Variants in STRIP2 observed in about 807,000 individuals in gnomAD.
The protein encoded by STRIP2 is striatin interacting protein 2.
In STRIP2, 84 loss-of-function variants were observed where a neutral mutation model predicts 107.1. The ratio of observed to expected loss-of-function variants is 0.78; its 90% CI spans 0.66 to 0.94. The LOEUF (loss-of-function observed/expected upper bound fraction) is 0.94. Ranked by LOEUF, STRIP2 falls within the 40% of genes least tolerant of loss-of-function variation. STRIP2 has a pLI of 0.00. For synonymous variants in STRIP2, 394 were observed against 400.4 expected (o/e 0.98, Z 0.19); for missense variants, 888 against 1,034.2 (o/e 0.86, Z 1.94).
chr7:129,454,437 A>C lies in STRIP2; in HGVS notation c.616A>C (p.Met206Leu), dbSNP rs141758644. The change falls in exon 7 of 21, where the codon ATG becomes CTG. Residue 206 changes from methionine (M) to leucine (L), a missense_variant. Coordinates refer to ENST00000249344, the MANE Select transcript of STRIP2 (RefSeq NM_020704.3). ...STELRVLLSV[M>L]YLMVENIRLE... ...TAACCCCAGGGTGCTGCTGAGTGTTATGTACCTAATGGTGGAAAATATTCG... is the reference window on the plus strand; with the variant it reads ...TAACCCCAGGGTGCTGCTGAGTGTTCTGTACCTAATGGTGGAAAATATTCG... 33 of 1,613,876 alleles carry C rather than the reference A, an allele frequency of 2.0e-5. No homozygotes were observed. The African/African-American group carries it at 3.2e-4, about 16-fold the overall frequency.
chr7:129,455,124 C>A, intron 7 of STRIP2, 120 bp from the exon 8 acceptor site: 1 of 1,246,714 alleles, frequency 8.0e-7, no homozygotes, highest in Non-Finnish European at 1.1e-6. Flanking sequence ...GGACCAAGTA[C>A]TCTGGTATTC....
chr7:129,459,219 G>A (rs1798457825), intron 11 of STRIP2, among the ~76,000 whole-genome samples: 1 of 152,110 alleles, frequency 6.6e-6, no homozygotes, highest in African/African-American at 2.4e-5. Flanking sequence ...GAGTTTCATA[G>A]TCAAGGTGTC....
At chr7:129,447,163 G>A (rs1369348935) in intron 3 of STRIP2, among the ~76,000 whole-genome samples, 1 of 152,186 alleles carries the variant, frequency 6.6e-6, no homozygotes, top group African/African-American at 2.4e-5. Flanking sequence ...TTGCACAACA[G>A]CCTGGGCCTG....
At chr7:129,445,838 AT>A (rs1798019585) in intron 3 of STRIP2, among the ~76,000 whole-genome samples, 1 of 152,118 alleles carries the variant, frequency 6.6e-6, no homozygotes, top group South Asian at 2.1e-4. Flanking sequence ...GAGGCATTCC[AT>A]GAGTCCATGG....
In STRIP2 at chr7:129,456,980, G is replaced by A. The variant is rs536611489; in HGVS notation, c.1038+338G>A. Among the ~76,000 whole-genome samples, 8 of 152,268 alleles carry A rather than the reference G, an allele frequency of 5.3e-5. No homozygotes were observed. The South Asian group carries it at 1.7e-3, about 32-fold the overall frequency. On this transcript the variant is annotated intron_variant, in intron 9 of 20. Coordinates refer to ENST00000249344, the MANE Select transcript of STRIP2 (RefSeq NM_020704.3). ...CTGGGGATAGGGACCCAGGATACCG[G>A]AACAGGTCTCCAAGCAAATCCATTT... is the stretch of plus-strand genomic sequence containing the variant.
rs754002345 is a variant in STRIP2 at position 129,462,960 on chromosome 7, C to T, written c.1477-6C>T. The T allele has an allele frequency of 6.2e-7, 1 of 1,613,240 alleles. No individual in the cohort carries two copies. The highest frequency in any genetic ancestry group is 8.5e-7 in the Non-Finnish European group (1 of 1,179,450). On this transcript the variant is annotated splice_region_variant and splice_polypyrimidine_tract_variant and intron_variant, in intron 13 of 20. Transcript: ENST00000249344. ...GCATTGCCAAACCATGTATTTCTTG[C>T]CATAGGGGGAAGAGGTGGTACCAGA...
chr7:129,451,310 A>T (rs1044218514), intron 3 of STRIP2, among the ~76,000 whole-genome samples: 28 of 152,102 alleles, frequency 1.8e-4, no homozygotes, highest in African/African-American at 6.8e-4. Context: ...TGTAAGGATG[A>T]CTAGGAATTG....
Position 129,464,754 on chromosome 7 carries a change from C to G in STRIP2, c.1776+16C>G, listed in dbSNP as rs199944728. 1.4e-5 allele frequency: 22 copies of G among 1,613,962 alleles called. No homozygotes were observed. Among genetic ancestry groups the G allele is most frequent in the Non-Finnish European group, 1.7e-5 (20 of 1,179,978 alleles). On this transcript the variant is annotated intron_variant, in intron 16 of 20. Transcript: ENST00000249344. The stretch of plus-strand genomic sequence containing the variant: ...TATCTACCAGGTGAGCAGCTAGGAG[C>G]ACTTCTCCACAGGTCTTGGGTGTTT...
At chr7:129,475,009 C>T (rs1038440614) in intron 18 of STRIP2, among the ~76,000 whole-genome samples, 4 of 152,200 alleles carry the variant, frequency 2.6e-5, no homozygotes, top group Admixed American at 2.6e-4. Flanking sequence ...GTAGTTTCCC[C>T]TCCCACCTGG....
In STRIP2 at chr7:129,485,612, A is replaced by G; in HGVS notation, c.2288A>G (p.Glu763Gly). ...GCCAGACCATGGGACTTCCAAGCAG[A>G]AGAATGTACCTTGAGGGCCAACATT... ...IDARPWDFQAEECTLRANIEA... is the reference protein window; with the variant it reads ...IDARPWDFQAGECTLRANIEA... Residue 763 changes from glutamate (E) to glycine (G), a missense_variant, in exon 21 of 21, where the codon GAA (glutamate) becomes GGA (glycine). By Grantham distance (98) the Glu-to-Gly change is moderately conservative. Transcript: ENST00000249344. 1.2e-6 allele frequency: 2 copies of G among 1,614,020 alleles called. No individual in the cohort carries two copies. The highest frequency in any genetic ancestry group is 1.7e-6 in the Non-Finnish European group (2 of 1,180,008).
chr7:129,451,548 T>G (rs1464804677), intron 3 of STRIP2, 65 bp from the exon 4 acceptor site: 1 of 1,587,560 alleles, frequency 6.3e-7, no homozygotes, highest in Non-Finnish European at 8.6e-7. Flanking sequence ...GGATATGCTA[T>G]GAGGAGCCTT....
intron 15 of STRIP2, 92 bp from the exon 16 acceptor site, chr7:129,464,520 T>G: frequency 7.1e-7 from 1 of 1,415,794 alleles, no homozygotes; most frequent in South Asian, 1.3e-5. Flanking sequence ...CTGGCTCTCT[T>G]GTGTATATTG....
Position 129,455,255 on chromosome 7 carries a change from C to A in STRIP2, c.718C>A (p.His240Asn). The change falls in exon 8 of 21, where the codon CAT becomes AAT. Residue 240 changes from histidine (H) to asparagine (N), a missense_variant. By Grantham distance (68) the His-to-Asn change is moderately conservative. Coordinates refer to ENST00000249344, the MANE Select transcript of STRIP2 (RefSeq NM_020704.3). The stretch of plus-strand genomic sequence containing the variant: ...CTCCTCACCCCTAGGCTTCTCCATG[C>A]ATAATGAGGAGCCTTTTGCCCTTTT... ...TFRTELSFSM[H>N]NEEPFALLLF... 6.2e-7 allele frequency: 1 copy of A among 1,613,208 alleles called. No homozygotes were observed. Among genetic ancestry groups the A allele is most frequent in the South Asian group, 1.1e-5 (1 of 90,886 alleles).
intron 12 of STRIP2, 55 bp downstream of exon 12, chr7:129,459,635 G>C: frequency 6.9e-7 from 1 of 1,458,556 alleles, no homozygotes; most frequent in Non-Finnish European, 9.6e-7. Flanking sequence ...AAGCAGGTCA[G>C]ATTACCAGGC....
At chr7:129,438,097 G>A (rs1037784590) in intron 1 of STRIP2, among the ~76,000 whole-genome samples, 9 of 152,158 alleles carry the variant, frequency 5.9e-5, no homozygotes, top group African/African-American at 1.2e-4. Context: ...GAGCCACTGC[G>A]CCCGGCCAAT....
rs781712156 is a variant in STRIP2, at chr7:129,461,252, A to AT, written c.1476+882dup. 2.0e-5 allele frequency among the ~76,000 whole-genome samples: 3 copies of AT among 152,230 alleles called. No individual in the cohort carries two copies. The highest frequency in any genetic ancestry group is 2.9e-5 in the Non-Finnish European group (2 of 68,040). On this transcript the variant is annotated intron_variant, in intron 13 of 20. Transcript: ENST00000249344. The surrounding 1 kb of genome is among the most constrained non-coding windows in gnomAD (Gnocchi z 4.0). ...TGGTCATACTAAGTTTTAGATGCCC[A>AT]TTAGATACCCATGTGGAGCTGCAGG... is the stretch of plus-strand genomic sequence containing the variant.
At chr7:129,451,812 G>A in intron 4 of STRIP2, 65 bp downstream of exon 4, 1 of 1,588,626 alleles carries the variant, frequency 6.3e-7, no homozygotes, top group Non-Finnish European at 8.6e-7. Context: ...GCATTATCAG[G>A]ACTGAGATGA....
chr7:129,466,614 T>G (rs1360437761), intron 16 of STRIP2, among the ~76,000 whole-genome samples: 1 of 152,222 alleles, frequency 6.6e-6, no homozygotes, highest in South Asian at 2.1e-4. Flanking sequence ...ACTGCTCTTA[T>G]GGCCACCTGT....
intron 17 of STRIP2, among the ~76,000 whole-genome samples, chr7:129,468,101 TC>T (rs1468553796): frequency 1.3e-5 from 2 of 152,164 alleles, no homozygotes; most frequent in African/African-American, 4.8e-5. Context: ...CAAATTGCTT[TC>T]CATTCCTCCA....
Sources: gnomAD v4.1 joint callset for allele counts (sites outside exome capture counted in the v4.1 genomes callset) on GRCh38, gnomAD v4.1.1 for gene constraint, Gnocchi (gnomAD v3.1) non-coding constraint, MANE v1.5 for transcripts, NCBI Gene and HGNC (gene_info 2026-07-23, HGNC 2026-07-21) for gene names.